FBXO38: variants seen among roughly 807,000 people sequenced by gnomAD.
FBXO38 encodes F-box only protein 38.
Under a neutral mutation model 131.9 loss-of-function variants are expected in FBXO38, and 53 were observed. The observed-to-expected ratio is 0.40, with a 90% CI of 0.32 to 0.51. The LOEUF is 0.51. Ranked by LOEUF, FBXO38 falls within the 20% of genes least tolerant of loss-of-function variation. FBXO38 has a pLI of 0.53. For synonymous variants in FBXO38, 452 were observed against 505.6 expected (o/e 0.89, Z 1.42); for missense variants, 1,076 against 1,475.6 (o/e 0.73, Z 4.44).
At chr5:148,409,093 TCAAA>T in intron 7 of FBXO38, 27 bp from the exon 8 acceptor site, 1 of 1,277,990 alleles carries the variant, frequency 7.8e-7, no homozygotes, top group Non-Finnish European at 1.1e-6. Flanking sequence ...AATGCTATGG[TCAAA>T]CACTTGTTTT....
intron 19 of FBXO38, 52 bp downstream of exon 19, chr5:148,439,844 G>A (rs1209219512): frequency 1.3e-6 from 2 of 1,565,290 alleles, no homozygotes; most frequent in Non-Finnish European, 8.7e-7. Flanking sequence ...CTCATAGCAG[G>A]GACTCCCAGA....
At chr5:148,388,069 AT>A (rs1758009551) in intron 1 of FBXO38, among the ~76,000 whole-genome samples, 1 of 152,160 alleles carries the variant, frequency 6.6e-6, no homozygotes, top group African/African-American at 2.4e-5. Flanking sequence ...CAGAATGGAT[AT>A]TGTGTTAGCA....
chr5:148,429,930 G>C (rs1168465188), intron 15 of FBXO38, among the ~76,000 whole-genome samples: 1 of 151,506 alleles, frequency 6.6e-6, no homozygotes, highest in Non-Finnish European at 1.5e-5. Flanking sequence ...CTTTTATTAT[G>C]TGATTTTTTT....
At position 148,400,544 on chromosome 5, in the gene FBXO38, G is replaced by A. The variant is rs552552797; in HGVS notation, c.262+1412G>A. On this transcript the variant is annotated intron_variant, in intron 3 of 21. Transcript: ENST00000340253. ...ATCTTTGCAATGAATGTAAAAGAGAGTTGAAGCAAACAGTCTCTAGCCTAG... is the reference window on the plus strand; with the variant it reads ...ATCTTTGCAATGAATGTAAAAGAGAATTGAAGCAAACAGTCTCTAGCCTAG... Among the ~76,000 whole-genome samples the A allele has an allele frequency of 4.8e-4, 73 of 152,240 alleles. No individual in the cohort carries two copies. In the Middle Eastern group the frequency reaches 0.01, roughly 21 times the overall value.
At chr5:148,424,417 A>C (rs1294652928) in intron 13 of FBXO38, among the ~76,000 whole-genome samples, 1 of 152,226 alleles carries the variant, frequency 6.6e-6, no homozygotes, top group Non-Finnish European at 1.5e-5. Context: ...TGGGAAAATA[A>C]ATGACCTGAT....
chr5:148,394,796 G>C lies in FBXO38; in HGVS notation c.20G>C (p.Ser7Thr). 6.3e-7 allele frequency: 1 copy of C among 1,584,240 alleles called. No individual in the cohort carries two copies. Among genetic ancestry groups the C allele is most frequent in the Non-Finnish European group, 8.6e-7 (1 of 1,165,978 alleles). ...ACAACAATGGGGCCACGAAAGAAAA[G>C]TGTGAAAACATGTATCATGAATAAT... MGPRKK[S>T]VKTCIMNNEI... The change falls in exon 2 of 22, where the codon AGT becomes ACT. Residue 7 changes from serine to threonine, a missense_variant. Around this residue, in one of 8 missense-constraint regions of FBXO38, gnomAD observed 58 missense variants for 53.1 expected, o/e 1.09. Coordinates refer to ENST00000340253, the MANE Select transcript of FBXO38 (RefSeq NM_205836.3).
chr5:148,406,187 C>T (rs1195401621), intron 6 of FBXO38, 70 bp from the exon 7 acceptor site: 1 of 1,398,190 alleles, frequency 7.2e-7, no homozygotes, highest in African/African-American at 1.5e-5. Flanking sequence ...TTATACATGT[C>T]TTTCACTGAT....
intron 17 of FBXO38, among the ~76,000 whole-genome samples, chr5:148,437,137 A>G (rs1754388493): frequency 6.6e-6 from 1 of 152,220 alleles, no homozygotes; most frequent in Non-Finnish European, 1.5e-5. Flanking sequence ...CTCTAACCTA[A>G]TGATGGATCA....
intron 4 of FBXO38, 29 bp downstream of exon 4, chr5:148,402,174 A>G: frequency 6.3e-7 from 1 of 1,590,628 alleles, no homozygotes; most frequent in Non-Finnish European, 8.6e-7. Context: ...ACATTTTGGC[A>G]TCAACTGTTT....
chr5:148,437,514 A>G (rs1754416585), intron 17 of FBXO38, among the ~76,000 whole-genome samples: 1 of 152,168 alleles, frequency 6.6e-6, no homozygotes, highest in South Asian at 2.1e-4. Context: ...GATGTTACAG[A>G]TGTCTGTGAA....
intron 14 of FBXO38, among the ~76,000 whole-genome samples, chr5:148,426,491 A>G (rs1040447572): frequency 6.6e-6 from 1 of 152,200 alleles, no homozygotes; most frequent in Non-Finnish European, 1.5e-5. Context: ...AATTCAGATA[A>G]CTTTATAATG....
intron 17 of FBXO38, among the ~76,000 whole-genome samples, chr5:148,436,721 A>C (rs2113658441): frequency 6.6e-6 from 1 of 152,352 alleles, no homozygotes; most frequent in East Asian, 1.9e-4. Flanking sequence ...CTGAGATTCA[A>C]GCACTACTTC....
At chr5:148,385,861 C>A (rs1757888258) in intron 1 of FBXO38, among the ~76,000 whole-genome samples, 1 of 152,038 alleles carries the variant, frequency 6.6e-6, no homozygotes, top group Non-Finnish European at 1.5e-5. Context: ...AGCCCTTGAC[C>A]AGATAGGATC....
Position 148,431,880 on chromosome 5 carries a change from T to A in FBXO38, c.2654-1544T>A, listed in dbSNP as rs181347799. On this transcript the variant is annotated intron_variant, in intron 15 of 21. Transcript: ENST00000340253. ...AGTTTGATGGGTAGAGCTCTTGGGC[T>A]CCTTTTCTGCCTTCAGCCAAAGCAG... Among the ~76,000 whole-genome samples, 343 of 152,290 alleles carry A rather than the reference T, an allele frequency of 2.3e-3. 3 individuals are homozygous for A. Among genetic ancestry groups the A allele is most frequent in the African/African-American group, 7.8e-3 (325 of 41,552 alleles).
At chr5:148,420,857 A>T (rs187576115) in intron 12 of FBXO38, among the ~76,000 whole-genome samples, 195 of 152,020 alleles carry the variant, frequency 1.3e-3, no homozygotes, top group Non-Finnish European at 2.3e-3. Context: ...TTGGGATCTC[A>T]TATGTTGCCC....
At chr5:148,396,183 G>T (rs1049184601) in intron 2 of FBXO38, among the ~76,000 whole-genome samples, 4 of 152,020 alleles carry the variant, frequency 2.6e-5, no homozygotes, top group African/African-American at 9.6e-5. Context: ...TAAAATGATA[G>T]ATTTTTTTTT....
intron 12 of FBXO38, 120 bp downstream of exon 12, chr5:148,417,324 G>A: frequency 1.3e-6 from 1 of 754,388 alleles, no homozygotes; most frequent in Non-Finnish European, 2.2e-6. Flanking sequence ...ATTGAGGAAA[G>A]CTAGTTGATA....
chr5:148,401,050 A>G (rs999882281), intron 3 of FBXO38, among the ~76,000 whole-genome samples: 1 of 152,176 alleles, frequency 6.6e-6, no homozygotes, highest in South Asian at 2.1e-4. Context: ...GTTAAATGAG[A>G]TAACTTAAAA....
chr5:148,399,967 G>A (rs369184992), intron 3 of FBXO38, among the ~76,000 whole-genome samples: 19 of 152,044 alleles, frequency 1.2e-4, no homozygotes, highest in African/African-American at 4.6e-4. Flanking sequence ...AGGGCTGGAG[G>A]AGATAATTGT....
Sources: gnomAD v4.1 joint callset for allele counts (sites outside exome capture counted in the v4.1 genomes callset) on GRCh38, gnomAD v4.1.1 for gene constraint, gnomAD v4.1.1 regional missense constraint, MANE v1.5 for transcripts, NCBI Gene and HGNC (gene_info 2026-07-23, HGNC 2026-07-21) for gene names.